SCN8A: variants seen among roughly 807,000 people sequenced by gnomAD.
The protein encoded by SCN8A is sodium channel protein type 8 subunit alpha.
SCN8A carries 30 observed loss-of-function variants against 184.1 expected under a neutral mutation model. The ratio of observed to expected loss-of-function variants is 0.16; its 90% CI spans 0.12 to 0.22. The LOEUF (loss-of-function observed/expected upper bound fraction) is 0.22, where lower values mean the gene tolerates loss of function less well. Among genes scored for constraint, SCN8A ranks in the 10% least tolerant of loss-of-function variants. The probability of loss-of-function intolerance (pLI) is 1.00; values close to 1 mark genes in which losing one functional copy is unlikely to be tolerated. For synonymous variants in SCN8A, 852 were observed against 907.0 expected, an observed-to-expected ratio of 0.94 and a Z score of 1.09; for missense variants, 1,057 against 2,498.9, an observed-to-expected ratio of 0.42 and a Z score of 12.30.
At chr12:51,784,430 C>T (rs1938018435) in intron 21 of SCN8A, among the ~76,000 whole-genome samples, 1 of 152,234 alleles carries the variant, frequency 6.6e-6, no homozygotes, top group South Asian at 2.1e-4. Context: ...TAGCACGCAC[C>T]TGTAGTCCCA....
intron 20 of SCN8A, chr12:51,780,314 G>A (rs1482062084): frequency 4.7e-6 from 2 of 423,056 alleles, no homozygotes; most frequent in African/African-American, 2.1e-5. Flanking sequence ...CCTTCCAGTG[G>A]AACTTCCTCA....
intron 1 of SCN8A, among the ~76,000 whole-genome samples, chr12:51,656,847 A>T (rs1940830385): frequency 6.6e-6 from 1 of 152,134 alleles, no homozygotes; most frequent in East Asian, 1.9e-4. Flanking sequence ...AAGAAAAAGG[A>T]AAGTAACAAG....
chr12:51,638,802 C>T (rs1940376988), intron 1 of SCN8A, among the ~76,000 whole-genome samples: 1 of 151,782 alleles, frequency 6.6e-6, no homozygotes, highest in Admixed American at 6.6e-5. Context: ...GTTATTCTAA[C>T]CCTCATGAAT....
intron 9 of SCN8A, 46 bp from the exon 10 acceptor site, chr12:51,705,371 G>A (rs780341674): frequency 9.4e-6 from 15 of 1,592,108 alleles, no homozygotes; most frequent in Non-Finnish European, 1.3e-5. Context: ...TTTCAGCCCG[G>A]TTCATTTGGT....
chr12:51,650,506 CTTTTTTTTT>C (rs71092715), intron 1 of SCN8A, among the ~76,000 whole-genome samples: 1 of 101,062 alleles, frequency 9.9e-6, no homozygotes, highest in African/African-American at 3.7e-5. Context: ...AAAAGGCACT[CTTTTTTTTT>C]TTTTTTTTTT....
At chr12:51,599,887 G>C (rs1939428204) in intron 1 of SCN8A, among the ~76,000 whole-genome samples, 2 of 152,186 alleles carry the variant, frequency 1.3e-5, no homozygotes, top group Admixed American at 6.5e-5. Context: ...AGAACTCAGT[G>C]AATGACTTTA....
intron 12 of SCN8A, among the ~76,000 whole-genome samples, chr12:51,738,300 A>C (rs1462475410): frequency 6.6e-6 from 1 of 152,208 alleles, no homozygotes; most frequent in Non-Finnish European, 1.5e-5. Flanking sequence ...CAGAAGTTAT[A>C]ATTGGTTGAA....
At chr12:51,623,609 A>G (rs1234355681) in intron 1 of SCN8A, among the ~76,000 whole-genome samples, 1 of 151,872 alleles carries the variant, frequency 6.6e-6, no homozygotes, top group African/African-American at 2.4e-5. Context: ...TCAAAACACT[A>G]TTTTCTTTTT....
rs538427335 is a variant in SCN8A, at chr12:51,614,922, A to G, written c.-55+23563A>G. Reference sequence around the variant, plus strand: ...TTAAGTGTACAATACAGTATTGTTAATTATATGTTCAATGTTGTACAGGAG... The same window carrying G: ...TTAAGTGTACAATACAGTATTGTTAGTTATATGTTCAATGTTGTACAGGAG... On this transcript the variant is annotated intron_variant, in intron 1 of 26. Coordinates refer to ENST00000627620, the MANE Select transcript of SCN8A (RefSeq NM_001330260.2). Among the ~76,000 whole-genome samples, 106 of 152,024 alleles carry G rather than the reference A, an allele frequency of 7.0e-4. 1 individual carries two copies. In the South Asian group the frequency reaches 0.021, roughly 30 times the overall value.
At chr12:51,761,969 A>G (rs974810948) in intron 14 of SCN8A, among the ~76,000 whole-genome samples, 2 of 152,080 alleles carry the variant, frequency 1.3e-5, no homozygotes, top group Non-Finnish European at 2.9e-5. Flanking sequence ...CATGAAAATG[A>G]TAGTTGTATG....
intron 2 of SCN8A, among the ~76,000 whole-genome samples, chr12:51,669,436 C>T (rs566755077): frequency 5.9e-5 from 9 of 152,234 alleles, no homozygotes; most frequent in South Asian, 2.1e-4. Flanking sequence ...TTAGCTGTGG[C>T]GAACTACTTC....
intron 14 of SCN8A, among the ~76,000 whole-genome samples, chr12:51,757,563 A>G (rs1200932547): frequency 6.6e-6 from 1 of 152,156 alleles, no homozygotes; most frequent in Non-Finnish European, 1.5e-5. Context: ...ATATACCCCA[A>G]TCTTAGGACT....
At chr12:51,743,114 T>G (rs570261110) in intron 12 of SCN8A, among the ~76,000 whole-genome samples, 21 of 152,240 alleles carry the variant, frequency 1.4e-4, no homozygotes, top group Admixed American at 3.9e-4. Context: ...ATTCCTTCTC[T>G]GTGTTATCTT....
Position 51,770,576 on chromosome 12 carries a change from C to T in SCN8A, c.3538C>T (p.Leu1180=), listed in dbSNP as rs2138871616. ...KCCQVNIEEG[L]GKSWWILRKT... Reference sequence around the variant, plus strand: ...CTGCCAGGTCAACATCGAGGAAGGGCTAGGCAAGTCTTGGTGGATCCTGCG... The same window carrying T: ...CTGCCAGGTCAACATCGAGGAAGGGTTAGGCAAGTCTTGGTGGATCCTGCG... Residue 1180 remains leucine, a synonymous_variant, in exon 19 of 27, where the codon CTA becomes TTA. Transcript: ENST00000627620. 1 of 1,613,702 alleles carries T rather than the reference C, an allele frequency of 6.2e-7. No homozygotes were observed. The highest frequency in any genetic ancestry group is 8.5e-7 in the Non-Finnish European group (1 of 1,179,760).
At chr12:51,656,907 A>G (rs2138662186) in intron 1 of SCN8A, among the ~76,000 whole-genome samples, 1 of 152,276 alleles carries the variant, frequency 6.6e-6, no homozygotes, top group South Asian at 2.1e-4. Context: ...TGCTGTTGGG[A>G]ATACAAAATG....
intron 2 of SCN8A, among the ~76,000 whole-genome samples, chr12:51,672,904 C>G (rs777537812): frequency 3.3e-5 from 5 of 152,178 alleles, no homozygotes; most frequent in Non-Finnish European, 7.4e-5. Flanking sequence ...CCTCAAGTTC[C>G]CTCAACTAAT....
At chr12:51,631,182 G>T (rs1362641608) in intron 1 of SCN8A, among the ~76,000 whole-genome samples, 1 of 152,168 alleles carries the variant, frequency 6.6e-6, no homozygotes, top group Non-Finnish European at 1.5e-5. Flanking sequence ...CTGTGGGAAG[G>T]CGTATTTTTG....
chr12:51,785,146 T>G (rs1205395260), intron 21 of SCN8A, among the ~76,000 whole-genome samples: 1 of 152,196 alleles, frequency 6.6e-6, no homozygotes, highest in African/African-American at 2.4e-5. Flanking sequence ...CGCCAAAGGG[T>G]GAGCAACTGT....
At chr12:51,735,215 G>T (rs1942305047) in intron 12 of SCN8A, among the ~76,000 whole-genome samples, 1 of 152,152 alleles carries the variant, frequency 6.6e-6, no homozygotes, top group Admixed American at 6.5e-5. Context: ...TGATCAGTTT[G>T]TTCAGATCAT....
Sources: allele counts gnomAD v4.1 joint callset (sites outside exome capture counted in the v4.1 genomes callset), GRCh38; gene constraint gnomAD v4.1.1; transcripts MANE v1.5; gene names NCBI Gene and HGNC (gene_info 2026-07-23, HGNC 2026-07-21).